The following BRWD1 variants were observed in gnomAD, a reference collection of about 807,000 sequenced individuals.
BRWD1 encodes bromodomain and WD repeat-containing protein 1.
Under a neutral mutation model 251.2 loss-of-function variants are expected in BRWD1, and 82 were observed. That is an observed-to-expected ratio of 0.33 (90% CI 0.27 to 0.39). The LOEUF (loss-of-function observed/expected upper bound fraction) is 0.39. BRWD1 is among the 10% of genes least tolerant of loss of function. The pLI is 1.00. For missense variants in BRWD1, 2,233 were observed against 2,711.6 expected (o/e 0.82, Z 3.92); for synonymous variants, 918 against 902.8 (o/e 1.02, Z -0.30).
chr21:39,275,974 G>C (rs1047380668), intron 12 of BRWD1, among the ~76,000 whole-genome samples, 199 bp downstream of exon 12: 1 of 152,148 alleles, frequency 6.6e-6, no homozygotes, highest in East Asian at 1.9e-4. Flanking sequence ...GGAGGTTGCA[G>C]TGAGCCGAGA....
intron 37 of BRWD1, among the ~76,000 whole-genome samples, chr21:39,203,277 C>A (rs184734651): frequency 1.3e-5 from 2 of 151,974 alleles, no homozygotes; most frequent in Non-Finnish European, 2.9e-5. Context: ...CATAGCATGA[C>A]CCCATGCCTA....
intron 15 of BRWD1, among the ~76,000 whole-genome samples, chr21:39,266,691 G>A (rs1051059821): frequency 1.4e-4 from 22 of 152,182 alleles, no homozygotes; most frequent in Non-Finnish European, 1.9e-4. Flanking sequence ...CTGACAAAAC[G>A]CAACCTGCAA....
At chr21:39,238,160 A>G (rs1451614871) in intron 22 of BRWD1, among the ~76,000 whole-genome samples, 2 of 152,154 alleles carry the variant, frequency 1.3e-5, no homozygotes, top group African/African-American at 2.4e-5. Context: ...AACACATGCA[A>G]TAATAATGAA....
In BRWD1 at chr21:39,296,318, T is replaced by C. The variant is rs916654683; in HGVS notation, c.395A>G (p.His132Arg). 7 of 1,602,248 alleles carry C rather than the reference T, an allele frequency of 4.4e-6. No individual in the cohort carries two copies. The highest frequency in any genetic ancestry group is 6.0e-6 in the Non-Finnish European group (7 of 1,175,542). Residue 132 changes from histidine to arginine, a missense_variant, in exon 6 of 41, where the codon CAT becomes CGT. Physicochemically the swap from His to Arg is conservative, Grantham distance 29. Around this residue, in one of 12 missense-constraint regions of BRWD1, gnomAD observed 185 missense variants for 260.6 expected, o/e 0.71. Transcript: ENST00000342449. The stretch of plus-strand genomic sequence containing the variant: ...TGGCATTTCAGGAGGTCTTCCTCTA[T>C]GAAGAGCAGCAAAGGCAGAGCCCTT... ...VWKGSAFAAL[H>R]RGRPPEMPVN...
upstream of BRWD1, chr21:39,313,746 G>C (rs773475345): frequency 1.2e-4 from 45 of 389,574 alleles, no homozygotes; most frequent in Non-Finnish European, 1.9e-4. Context: ...TGTCCCGCCC[G>C]GGGAGGCGAA....
chr21:39,311,922 A>G (rs994601526), intron 4 of BRWD1, among the ~76,000 whole-genome samples: 1 of 152,178 alleles, frequency 6.6e-6, no homozygotes, highest in Non-Finnish European at 1.5e-5. Context: ...CAAGTGTTAC[A>G]GGTCTTCCAA....
At chr21:39,231,955 T>C (rs138952310) in intron 25 of BRWD1, among the ~76,000 whole-genome samples, 28 of 152,340 alleles carry the variant, frequency 1.8e-4, no homozygotes, top group African/African-American at 6.3e-4. Context: ...CTCTAGGTTG[T>C]TGCATTTAAC....
intron 8 of BRWD1, among the ~76,000 whole-genome samples, chr21:39,291,460 T>C (rs1178129053): frequency 6.6e-6 from 1 of 152,188 alleles, no homozygotes; most frequent in African/African-American, 2.4e-5. Context: ...AACAGGGTAG[T>C]AGGGACAGCA....
intron 21 of BRWD1, among the ~76,000 whole-genome samples, chr21:39,244,370 GCTAA>G (rs1280399978): frequency 6.6e-6 from 1 of 152,082 alleles, no homozygotes; most frequent in African/African-American, 2.4e-5. Flanking sequence ...GGCCCATGCT[GCTAA>G]CTTTTTATAT....
chr21:39,309,547 G>A (rs1225847706), intron 4 of BRWD1, among the ~76,000 whole-genome samples: 6 of 150,570 alleles, frequency 4.0e-5, no homozygotes, highest in Admixed American at 6.6e-5. Flanking sequence ...CAGGGAGGCC[G>A]GGCGCGGTGG....
chr21:39,297,134 G>A (rs1285929846), intron 5 of BRWD1: 22 of 985,212 alleles, frequency 2.2e-5, no homozygotes, highest in South Asian at 4.7e-5. Flanking sequence ...AAAAAAGTCT[G>A]CCCTCCTCTA....
At chr21:39,286,057 C>T (rs2035627432) in intron 8 of BRWD1, among the ~76,000 whole-genome samples, 1 of 138,990 alleles carries the variant, frequency 7.2e-6, no homozygotes. Flanking sequence ...CTCTGTCGCC[C>T]AGGCTAGAGT....
intron 15 of BRWD1, 101 bp from the exon 16 acceptor site, chr21:39,265,120 T>TAA: frequency 2.7e-6 from 3 of 1,130,118 alleles, no homozygotes; most frequent in South Asian, 2.0e-5. Context: ...ATATCCCTTC[T>TAA]GAAAAAAAAA....
At position 39,202,430 on chromosome 21, in the gene BRWD1, C is replaced by A; in HGVS notation, c.4480G>T (p.Ala1494Ser). 6.2e-7 allele frequency: 1 copy of A among 1,614,084 alleles called. No homozygotes were observed. Among genetic ancestry groups the A allele is most frequent in the African/African-American group, 1.3e-5 (1 of 75,046 alleles). ...TAYLGTHKTSAGISSGVTSGD... is the reference protein window; with the variant it reads ...TAYLGTHKTSSGISSGVTSGD... Reference sequence around the variant, plus strand: ...GAAGTAACACCTGAAGAGATACCAGCACTTGTCTTGTGGGTTCCAAGATAA... The same window carrying A: ...GAAGTAACACCTGAAGAGATACCAGAACTTGTCTTGTGGGTTCCAAGATAA... Residue 1494 changes from alanine (A) to serine (S), a missense_variant, in exon 38 of 41, where the codon GCT becomes TCT. By Grantham distance (99) the Ala-to-Ser change is moderately conservative. Transcript: ENST00000342449.
Position 39,264,568 on chromosome 21 carries a change from C to T in BRWD1, c.1777G>A (p.Val593Ile). The change falls in exon 17 of 41, where the codon GTA (valine) becomes ATA (isoleucine). Residue 593 changes from valine (V) to isoleucine (I), a missense_variant. Physicochemically the swap from Val to Ile is conservative, Grantham distance 29. Coordinates refer to ENST00000342449, the MANE Select transcript of BRWD1 (RefSeq NM_033656.4). ...GGATGAGGATTTCCATCTACATCTA[C>T]CAAGAATGGTGGAGGCATAAGATGA... Reference protein sequence around the residue: ...APHLMPPPFLVDVDGNPHPTK... With the variant: ...APHLMPPPFLIDVDGNPHPTK... The T allele has an allele frequency of 6.2e-7, 1 of 1,613,276 alleles. No homozygotes were observed. Among genetic ancestry groups the T allele is most frequent in the Non-Finnish European group, 8.5e-7 (1 of 1,179,614 alleles).
At chr21:39,277,506 T>C (rs2035315031) in intron 10 of BRWD1, among the ~76,000 whole-genome samples, 155 bp from the exon 11 acceptor site, 1 of 152,208 alleles carries the variant, frequency 6.6e-6, no homozygotes, top group African/African-American at 2.4e-5. Flanking sequence ...ATAGAGGTTA[T>C]AAAGCTGAAC....
rs397755720 is a variant in BRWD1, at chr21:39,190,230, C to CT, written c.*6028dup. 408,437 of 949,370 alleles carry CT rather than the reference C, an allele frequency of 0.43. 82,823 individuals carry two copies. Among genetic ancestry groups the CT allele is most frequent in the Admixed American group, 0.54 (8,669 of 16,092 alleles). The allele number at this position is 949,370 out of a possible 1,614,324, so 58.8% of individuals were successfully genotyped here. On this transcript the variant is annotated 3_prime_UTR_variant, in exon 41 of 41. Transcript: ENST00000342449. ...AAGGATTAATCATATTCTAATTAGA[C>CT]TTTTTTTTAATTTTTAAGCTACCTT...
chr21:39,313,871 G>A, upstream of BRWD1: 1 of 333,990 alleles, frequency 3.0e-6, no homozygotes, highest in Non-Finnish European at 5.7e-6. Flanking sequence ...CCGAATCCCT[G>A]CGCGCAATGA....
intron 10 of BRWD1, 47 bp from the exon 11 acceptor site, chr21:39,277,398 C>T (rs373378198): frequency 3.5e-6 from 4 of 1,148,658 alleles, no homozygotes; most frequent in South Asian, 1.8e-5. Flanking sequence ...ATAACAAATA[C>T]CTGAACAAAT....
Sources: gnomAD v4.1 joint callset for allele counts (sites outside exome capture counted in the v4.1 genomes callset) on GRCh38, gnomAD v4.1.1 for gene constraint, gnomAD v4.1.1 regional missense constraint, MANE v1.5 for transcripts, NCBI Gene and HGNC (gene_info 2026-07-23, HGNC 2026-07-21) for gene names.